PPFIA2: variants seen among roughly 807,000 people sequenced by gnomAD.
The protein encoded by PPFIA2 is PPFI scaffold protein A2.
A neutral mutation model predicts 175.5 loss-of-function variants in PPFIA2; 46 were observed. That is an observed-to-expected ratio of 0.26 (90% CI 0.21 to 0.34). The LOEUF is 0.34. PPFIA2 is among the 10% of genes least tolerant of loss of function. PPFIA2 has a pLI of 1.00. For synonymous variants in PPFIA2, 568 were observed against 511.4 expected, an observed-to-expected ratio of 1.11 and a Z score of -1.49; for missense variants, 1,179 against 1,506.1, an observed-to-expected ratio of 0.78 and a Z score of 3.60.
At chr12:81,520,142 A>G (rs2062942919) in intron 4 of PPFIA2, among the ~76,000 whole-genome samples, 1 of 152,198 alleles carries the variant, frequency 6.6e-6, no homozygotes. Context: ...CCCTTCTGAC[A>G]ATATGTCAGA....
intron 11 of PPFIA2, among the ~76,000 whole-genome samples, chr12:81,374,035 T>C (rs2035809174): frequency 6.6e-6 from 1 of 152,086 alleles, no homozygotes; most frequent in South Asian, 2.1e-4. Context: ...ATAATGCTTG[T>C]AAAATTCTAA....
At chr12:81,299,840 A>G (rs1420943320) in intron 22 of PPFIA2, among the ~76,000 whole-genome samples, 4 of 152,152 alleles carry the variant, frequency 2.6e-5, no homozygotes. Flanking sequence ...TTTTAGTCAC[A>G]TTCTAGTGAT....
chr12:81,336,101 C>T (rs2057089272), intron 21 of PPFIA2, among the ~76,000 whole-genome samples: 1 of 152,096 alleles, frequency 6.6e-6, no homozygotes. Flanking sequence ...TAAATAAGAA[C>T]TGTAAACCCT....
chr12:81,343,261 T>C (rs2058466163), intron 19 of PPFIA2, among the ~76,000 whole-genome samples: 1 of 152,110 alleles, frequency 6.6e-6, no homozygotes, highest in South Asian at 2.1e-4. Context: ...TGTTGTTACT[T>C]CCTGAATTAT....
chr12:81,552,491 C>A (rs2068088957), intron 4 of PPFIA2, among the ~76,000 whole-genome samples: 1 of 151,722 alleles, frequency 6.6e-6, no homozygotes, highest in Non-Finnish European at 1.5e-5. Flanking sequence ...TTCTGACTTG[C>A]CAAACATGTT....
chr12:81,355,552 A>G (rs978846841), intron 16 of PPFIA2, among the ~76,000 whole-genome samples: 1 of 152,218 alleles, frequency 6.6e-6, no homozygotes, highest in African/African-American at 2.4e-5. Flanking sequence ...TTCCAATGGA[A>G]GGTGGTTTCA....
intron 8 of PPFIA2, among the ~76,000 whole-genome samples, chr12:81,400,762 T>A (rs2041969976): frequency 6.6e-6 from 1 of 152,206 alleles, no homozygotes; most frequent in Non-Finnish European, 1.5e-5. Context: ...GTAATTAAGC[T>A]CAAAGTGGGA....
At chr12:81,366,237 A>T (rs1162955045) in intron 14 of PPFIA2, among the ~76,000 whole-genome samples, 1 of 151,674 alleles carries the variant, frequency 6.6e-6, no homozygotes, top group East Asian at 1.9e-4. Context: ...CAATAACTTT[A>T]AAGGCTAATG....
At chr12:81,636,367 G>A (rs1170904934) in intron 4 of PPFIA2, among the ~76,000 whole-genome samples, 3 of 147,284 alleles carry the variant, frequency 2.0e-5, no homozygotes, top group Admixed American at 6.9e-5. Flanking sequence ...CCGGGTTCAC[G>A]CCATTCTCCT....
chr12:81,283,059 T>C lies in PPFIA2; in HGVS notation c.2989-20A>G. 6.2e-7 allele frequency: 1 copy of C among 1,610,924 alleles called. No individual in the cohort carries two copies. Among genetic ancestry groups the C allele is most frequent in the Non-Finnish European group, 8.5e-7 (1 of 1,177,942 alleles). On this transcript the variant is annotated intron_variant, in intron 25 of 32. Coordinates refer to ENST00000549396, the MANE Select transcript of PPFIA2 (RefSeq NM_003625.5). Reference sequence around the variant, plus strand: ...TTCTTTCTGTGTTAGCAGCAGGAAATGATTAATAAAGCAGGTAAATATAAA... The same window carrying C: ...TTCTTTCTGTGTTAGCAGCAGGAAACGATTAATAAAGCAGGTAAATATAAA...
chr12:81,505,925 T>A (rs2061117749), intron 4 of PPFIA2: 1 of 152,190 alleles, frequency 6.6e-6, no homozygotes, highest in South Asian at 2.1e-4. Context: ...GAATTGGATC[T>A]AGATTCTTGG....
intron 7 of PPFIA2, among the ~76,000 whole-genome samples, chr12:81,409,268 G>A (rs1304753492): frequency 6.6e-6 from 1 of 152,146 alleles, no homozygotes; most frequent in African/African-American, 2.4e-5. Flanking sequence ...ACTAACGTAG[G>A]TCTGGATGCC....
At chr12:81,736,768 A>G (rs2464741) in intron 3 of PPFIA2, among the ~76,000 whole-genome samples, 19,219 of 152,012 alleles carry the variant, frequency 0.13, 1,471 homozygotes, top group Non-Finnish European at 0.17. Flanking sequence ...TTTTTTAGAC[A>G]AAGTCTCTGT....
chr12:81,703,020 G>A (rs941691284), intron 3 of PPFIA2, among the ~76,000 whole-genome samples: 2 of 152,060 alleles, frequency 1.3e-5, no homozygotes, highest in Admixed American at 6.5e-5. Flanking sequence ...TAAGCCACCT[G>A]GTCTGTGGTA....
intron 28 of PPFIA2, among the ~76,000 whole-genome samples, chr12:81,276,372 A>G (rs953389792): frequency 6.6e-6 from 1 of 152,148 alleles, no homozygotes; most frequent in East Asian, 1.9e-4. Context: ...CACCACCACA[A>G]ATATATCCAT....
chr12:81,721,426 A>C (rs1161154817), intron 3 of PPFIA2, among the ~76,000 whole-genome samples: 2 of 150,828 alleles, frequency 1.3e-5, no homozygotes, highest in Non-Finnish European at 3.0e-5. Context: ...ATTCTATTCC[A>C]TTAACACCTA....
chr12:81,374,924 T>C (rs1157717998), intron 10 of PPFIA2, among the ~76,000 whole-genome samples, 156 bp from the exon 11 acceptor site: 1 of 152,202 alleles, frequency 6.6e-6, no homozygotes, highest in Non-Finnish European at 1.5e-5. Flanking sequence ...CTTGTTATCA[T>C]ATATTGCTTA....
rs12306055 is a variant in PPFIA2, at chr12:81,706,407, A to T, written c.250-29563T>A. 6.8e-3 allele frequency among the ~76,000 whole-genome samples: 1,034 copies of T among 152,264 alleles called. 9 individuals carry two copies. The highest frequency in any genetic ancestry group is 0.024 in the African/African-American group (984 of 41,548). On this transcript the variant is annotated intron_variant, in intron 3 of 32. Transcript: ENST00000549396. Reference sequence around the variant, plus strand: ...TACTGTAGCAGAGAACTTCATAACTATCTTTACTGTTACTTTTATGAAGCT... The same window carrying T: ...TACTGTAGCAGAGAACTTCATAACTTTCTTTACTGTTACTTTTATGAAGCT...
At chr12:81,670,805 C>A (rs1272368800) in intron 4 of PPFIA2, among the ~76,000 whole-genome samples, 4 of 151,930 alleles carry the variant, frequency 2.6e-5, no homozygotes, top group African/African-American at 7.2e-5. Flanking sequence ...AACCCTCTTG[C>A]CATCCTCTCT....
Sources: allele counts gnomAD v4.1 joint callset (sites outside exome capture counted in the v4.1 genomes callset), GRCh38; gene constraint gnomAD v4.1.1; transcripts MANE v1.5; gene names NCBI Gene and HGNC (gene_info 2026-07-23, HGNC 2026-07-21).